The following STS variants were observed in gnomAD, a reference collection of about 807,000 sequenced individuals.
STS encodes steryl-sulfatase.
In STS, 7 loss-of-function variants were observed where a neutral mutation model predicts 26.8. The observed-to-expected ratio is 0.26, with a 90% CI of 0.15 to 0.49. The LOEUF (loss-of-function observed/expected upper bound fraction) is 0.49. Among genes scored for constraint, STS ranks in the 20% least tolerant of loss-of-function variants. The pLI is 0.98. For synonymous variants in STS, 199 were observed against 189.4 expected, an observed-to-expected ratio of 1.05 and a Z score of -0.42; for missense variants, 434 against 465.6, an observed-to-expected ratio of 0.93 and a Z score of 0.63.
At chrX:7,305,248 A>G in intron 8 of STS, 65 bp downstream of exon 8, 1 of 1,180,895 alleles carries the variant, frequency 8.5e-7, no homozygotes, top group Non-Finnish European at 1.1e-6. Context: ...TTTTTTCTTG[A>G]TTTTCGAGCT....
intron 2 of STS, among the ~76,000 whole-genome samples, chrX:7,251,650 T>C (rs1419549245): frequency 9.0e-6 from 1 of 111,405 alleles, no homozygotes; most frequent in African/African-American, 3.3e-5. Flanking sequence ...ACCCCCTAAA[T>C]CTATAAACAT....
At chrX:7,224,316 C>G (rs1380781082) in intron 2 of STS, among the ~76,000 whole-genome samples, 25 of 111,402 alleles carry the variant, frequency 2.2e-4, no homozygotes, top group Non-Finnish European at 1.9e-5. Flanking sequence ...TAGGGTTAGT[C>G]CCTCCTCATA....
intron 10 of STS, among the ~76,000 whole-genome samples, chrX:7,335,504 A>T (rs1287017498): frequency 8.9e-6 from 1 of 111,962 alleles, no homozygotes; most frequent in African/African-American, 3.2e-5. Flanking sequence ...GATTCTGGAT[A>T]TTAGCCCTTT....
chrX:7,306,336 C>T (rs1486009068), intron 8 of STS, among the ~76,000 whole-genome samples: 20 of 110,652 alleles, frequency 1.8e-4, no homozygotes, highest in African/African-American at 6.6e-4. Flanking sequence ...GTTAGGACTC[C>T]CCAGCCAAAT....
chrX:7,328,246 A>G (rs1927572269), intron 9 of STS, among the ~76,000 whole-genome samples: 1 of 111,881 alleles, frequency 8.9e-6, no homozygotes, highest in Admixed American at 9.5e-5. Context: ...CTTCACTTTC[A>G]TAATATCTTG....
At chrX:7,241,103 A>G (rs5979238) in intron 2 of STS, among the ~76,000 whole-genome samples, 27 of 111,875 alleles carry the variant, frequency 2.4e-4, no homozygotes, top group African/African-American at 8.4e-4. Context: ...ACCAATGCGC[A>G]CAGTTTGTAG....
intron 2 of STS, among the ~76,000 whole-genome samples, chrX:7,207,342 G>C (rs1278848254): frequency 8.9e-6 from 1 of 112,293 alleles, no homozygotes; most frequent in African/African-American, 3.2e-5. Flanking sequence ...TTGCCGACAT[G>C]AATTTGTTGG....
At chrX:7,339,597 A>AC (rs768595075) in intron 10 of STS, among the ~76,000 whole-genome samples, 146 of 112,510 alleles carry the variant, frequency 1.3e-3, no homozygotes, top group Non-Finnish European at 2.1e-3. Flanking sequence ...TTGTAGCAAC[A>AC]CAGGATGATG....
intron 2 of STS, among the ~76,000 whole-genome samples, chrX:7,251,283 A>G (rs987567584): frequency 1.8e-5 from 2 of 111,849 alleles, no homozygotes; most frequent in African/African-American, 3.3e-5. Flanking sequence ...AAAGAGAGAC[A>G]CAATAGGAAA....
At chrX:7,237,985 G>T (rs1327012334) in intron 2 of STS, among the ~76,000 whole-genome samples, 1 of 110,697 alleles carries the variant, frequency 9.0e-6, no homozygotes, top group Non-Finnish European at 1.9e-5. Context: ...TTTCTTTGCT[G>T]TGGTAAAGTT....
intron 1 of STS, among the ~76,000 whole-genome samples, chrX:7,167,583 C>T (rs756618932): frequency 8.9e-6 from 1 of 112,251 alleles, no homozygotes; most frequent in South Asian, 3.7e-4. Context: ...GACTACTCTT[C>T]ATGAGAGGCA....
At chrX:7,199,438 T>G (rs1225099595) in intron 2 of STS, among the ~76,000 whole-genome samples, 1 of 112,213 alleles carries the variant, frequency 8.9e-6, no homozygotes, top group African/African-American at 3.2e-5. Context: ...TATAGCATAG[T>G]AGAAATTTAC....
intron 2 of STS, among the ~76,000 whole-genome samples, chrX:7,219,031 C>T (rs1921428460): frequency 8.9e-6 from 1 of 112,180 alleles, no homozygotes; most frequent in African/African-American, 3.2e-5. Flanking sequence ...CAAACCTGGG[C>T]TTTCCAAAAG....
At chrX:7,241,231 AT>A (rs1468905104) in intron 2 of STS, among the ~76,000 whole-genome samples, 1 of 112,070 alleles carries the variant, frequency 8.9e-6, no homozygotes, top group Non-Finnish European at 1.9e-5. Context: ...TCTTTTGTAC[AT>A]TTATAATAGT....
At chrX:7,166,999 G>A (rs1455220414) in intron 1 of STS, among the ~76,000 whole-genome samples, 1 of 111,272 alleles carries the variant, frequency 9.0e-6, no homozygotes, top group African/African-American at 3.3e-5. Context: ...TATCACTGCA[G>A]AGCAAATTAC....
At chrX:7,305,257 C>G (rs1926157629) in intron 8 of STS, 74 bp downstream of exon 8, 3 of 1,165,837 alleles carry the variant, frequency 2.6e-6, no homozygotes, top group African/African-American at 1.8e-5. Context: ...GATTTTCGAG[C>G]TTTTCCATAG....
intron 8 of STS, among the ~76,000 whole-genome samples, chrX:7,323,276 C>T (rs946482466): frequency 3.6e-5 from 4 of 109,632 alleles, no homozygotes; most frequent in Non-Finnish European, 7.6e-5. Flanking sequence ...TGGTGTGTTA[C>T]ATGGGTATAT....
At chrX:7,192,118 CT>C (rs1434220597) in intron 2 of STS, among the ~76,000 whole-genome samples, 1 of 111,801 alleles carries the variant, frequency 8.9e-6, no homozygotes, top group Admixed American at 9.4e-5. Context: ...CAGGAAGATA[CT>C]TTTGGAGGAG....
At chrX:7,181,039 T>C (rs960554542) in intron 1 of STS, among the ~76,000 whole-genome samples, 2 of 112,219 alleles carry the variant, frequency 1.8e-5, no homozygotes, top group Non-Finnish European at 3.8e-5. Context: ...CTTCTTGTTT[T>C]GGTAGGCAGG....
Sources: gnomAD v4.1 joint callset for allele counts (sites outside exome capture counted in the v4.1 genomes callset) on GRCh38, gnomAD v4.1.1 for gene constraint, MANE v1.5 for transcripts, NCBI Gene and HGNC (gene_info 2026-07-23, HGNC 2026-07-21) for gene names.